The following TESPA1 variants were observed in gnomAD, a reference collection of about 807,000 sequenced individuals.
TESPA1 encodes the protein protein TESPA1.
In TESPA1, 33 loss-of-function variants were observed where a neutral mutation model predicts 57.9. That is an observed-to-expected ratio of 0.57 (90% CI 0.43 to 0.76). The LOEUF is 0.76. Among genes scored for constraint, TESPA1 ranks in the 30% least tolerant of loss-of-function variants. The pLI is 0.00. For synonymous variants in TESPA1, 227 were observed against 228.9 expected, an observed-to-expected ratio of 0.99 and a Z score of 0.07; for missense variants, 618 against 632.9, an observed-to-expected ratio of 0.98 and a Z score of 0.25.
chr12:54,975,939 C>T (rs1323967041), intron 1 of TESPA1, among the ~76,000 whole-genome samples: 1 of 152,156 alleles, frequency 6.6e-6, no homozygotes, highest in Non-Finnish European at 1.5e-5. Context: ...ATCTAACTTC[C>T]TTCACTTCAG....
At position 54,963,769 on chromosome 12, in the gene TESPA1, T is replaced by C; in HGVS notation, c.628A>G (p.Met210Val). The change falls in exon 8 of 11, where the codon ATG (methionine) becomes GTG (valine). Residue 210 changes from methionine (M) to valine (V), a missense_variant. Physicochemically the swap from Met to Val is conservative, Grantham distance 21. Around this residue, in one of 3 missense-constraint regions of TESPA1, gnomAD observed 409 missense variants for 420.1 expected, o/e 0.97. Transcript: ENST00000449076. ...GCCAGCATGAGGCAGGGGTCTTCCA[T>C]TTCAATCCTCCGCACCTGGGACTTC... ...FLKSQVRRIE[M>V]EDPCLMLASR... is the part of the protein sequence containing the mutation. 1 of 1,613,532 alleles carries C rather than the reference T, an allele frequency of 6.2e-7. No individual in the cohort carries two copies. Among genetic ancestry groups the C allele is most frequent in the Non-Finnish European group, 8.5e-7 (1 of 1,179,810 alleles).
At chr12:54,954,636 A>G (rs936408868) in intron 10 of TESPA1, among the ~76,000 whole-genome samples, 2 of 152,210 alleles carry the variant, frequency 1.3e-5, no homozygotes, top group Non-Finnish European at 2.9e-5. Context: ...CACTTTACAC[A>G]GTCCTTCTGG....
At chr12:54,983,824 C>T (rs1952406886) in intron 1 of TESPA1, among the ~76,000 whole-genome samples, 2 of 152,190 alleles carry the variant, frequency 1.3e-5, no homozygotes, top group African/African-American at 4.8e-5. Context: ...TATGCTCTGC[C>T]TGCTACCACT....
At chr12:54,967,290 T>C in intron 4 of TESPA1, 54 bp from the exon 5 acceptor site, 1 of 1,578,266 alleles carries the variant, frequency 6.3e-7, no homozygotes, top group South Asian at 1.1e-5. Flanking sequence ...CATATACACA[T>C]GCACATGCAC....
chr12:54,978,050 G>A (rs548610010), intron 1 of TESPA1, among the ~76,000 whole-genome samples: 2 of 151,814 alleles, frequency 1.3e-5, no homozygotes, highest in South Asian at 2.1e-4. Context: ...TGCAGGAAGC[G>A]GCAAATGATT....
intron 6 of TESPA1, 65 bp downstream of exon 6, chr12:54,966,323 G>T: frequency 1.2e-6 from 2 of 1,608,326 alleles, no homozygotes; most frequent in South Asian, 2.2e-5. Context: ...TAATCTCTTT[G>T]ACCTACCCCA....
At position 54,974,413 on chromosome 12, in the gene TESPA1, G is replaced by A. The variant is rs770953624; in HGVS notation, c.150C>T (p.Asp50=). The A allele has an allele frequency of 6.9e-6, 11 of 1,605,758 alleles. No individual in the cohort carries two copies. Among genetic ancestry groups the A allele is most frequent in the Middle Eastern group, 1.7e-4 (1 of 6,052 alleles). The change falls in exon 2 of 11, where the codon GAC becomes GAT. Residue 50 remains aspartate, a synonymous_variant. Transcript: ENST00000449076. Reference sequence around the variant, plus strand: ...TTCGTCTCTTACCTTCTTGGAAAACGTCATCCAGGCTGGAAGGCTCAGGAT... The same window carrying A: ...TTCGTCTCTTACCTTCTTGGAAAACATCATCCAGGCTGGAAGGCTCAGGAT... ...VPDPEPSSLD[D]VFQEGNPINK... is the part of the protein sequence containing the mutation.
rs188445764 is a variant in TESPA1, at chr12:54,966,078, C to A, written c.421G>T (p.Gly141Trp). Residue 141 changes from glycine to tryptophan, a missense_variant, in exon 7 of 11, where the codon GGG becomes TGG. Physicochemically the swap from Gly to Trp is radical, Grantham distance 184 (BLOSUM62 -2). Around this residue, in one of 3 missense-constraint regions of TESPA1, gnomAD observed 199 missense variants for 184.0 expected, o/e 1.08. Coordinates refer to ENST00000449076, the MANE Select transcript of TESPA1 (RefSeq NM_001136030.3). ...CTTGAACTAGTCTTGTTGGTCCCCC[C>A]AGTCATGCTGCTGGAAGCCAAACTA... ...GCSLASSSMT[G>W]GTNKTSSSIS... 7.6e-6 allele frequency: 12 copies of A among 1,577,216 alleles called. No individual in the cohort carries two copies. The highest frequency in any genetic ancestry group is 4.7e-5 in the East Asian group (2 of 42,938).
intron 2 of TESPA1, chr12:54,974,045 GCA>G: frequency 2.4e-6 from 1 of 414,926 alleles, no homozygotes; most frequent in Non-Finnish European, 3.4e-6. Flanking sequence ...GTTAGTGACA[GCA>G]TTGTGGCCAG....
At chr12:54,954,903 C>T (rs1023839789) in intron 10 of TESPA1, among the ~76,000 whole-genome samples, 1 of 152,334 alleles carries the variant, frequency 6.6e-6, no homozygotes. Context: ...AATAGGAGTG[C>T]TAATATCTCT....
In TESPA1 at chr12:54,950,390, C is replaced by A. The variant is rs1442418059; in HGVS notation, c.*2G>T. On this transcript the variant is annotated splice_region_variant and 3_prime_UTR_variant, in exon 11 of 11. Transcript: ENST00000449076. ...CATGCTGTTGTGGTGGTGGAGAAAG[C>A]CTGCAATGGGAATAAAAAAGATACA... 1 of 453,606 alleles carries A rather than the reference C, an allele frequency of 2.2e-6. No homozygotes were observed. The highest frequency in any genetic ancestry group is 7.0e-5 in the East Asian group (1 of 14,338). 28.1% of individuals were successfully genotyped at this position (453,606 alleles called of 1,614,324 possible). A position where few individuals can be genotyped will look rare whatever the true frequency, so the allele number is the denominator to read the frequency against.
chr12:54,967,905 C>T lies in TESPA1; in HGVS notation c.207-13G>A. On this transcript the variant is annotated splice_polypyrimidine_tract_variant and intron_variant, in intron 3 of 10. Coordinates refer to ENST00000449076, the MANE Select transcript of TESPA1 (RefSeq NM_001136030.3). Reference sequence around the variant, plus strand: ...TTCTTCAGAGTATCTAAACCAAAAACAGTCTTATAGGTTGAAGTCACTTAC... The same window carrying T: ...TTCTTCAGAGTATCTAAACCAAAAATAGTCTTATAGGTTGAAGTCACTTAC... 1 of 1,613,514 alleles carries T rather than the reference C, an allele frequency of 6.2e-7. No individual in the cohort carries two copies.
rs1477932724 is a variant in TESPA1 at position 54,964,895 on chromosome 12, T to C, written c.447-945A>G. Among the ~76,000 whole-genome samples, 3 of 152,304 alleles carry C rather than the reference T, an allele frequency of 2.0e-5. No homozygotes were observed. The East Asian group carries it at 5.8e-4, about 29-fold the overall frequency. On this transcript the variant is annotated intron_variant, in intron 7 of 10. Transcript: ENST00000449076. Reference sequence around the variant, plus strand: ...TGCAGGCTTTAAAAATGCATATATTTGAATCCCATCTTCAGACATTCTGAT... The same window carrying C: ...TGCAGGCTTTAAAAATGCATATATTCGAATCCCATCTTCAGACATTCTGAT...
intron 4 of TESPA1, 121 bp downstream of exon 4, chr12:54,967,722 C>T (rs1301087256): frequency 8.4e-7 from 1 of 1,189,742 alleles, no homozygotes. Context: ...AGTTTAAGAA[C>T]ACTCAGGGAC....
At chr12:54,972,402 T>C (rs1047867623) in intron 3 of TESPA1, among the ~76,000 whole-genome samples, 1 of 152,142 alleles carries the variant, frequency 6.6e-6, no homozygotes, top group African/African-American at 2.4e-5. Context: ...GACTCAAGAG[T>C]AGTTAATGAG....
intron 10 of TESPA1, among the ~76,000 whole-genome samples, chr12:54,953,452 G>T (rs1223196766): frequency 6.6e-6 from 1 of 151,132 alleles, no homozygotes; most frequent in African/African-American, 2.4e-5. Context: ...ACTCTCCTCA[G>T]CCACCTTCTC....
At chr12:54,962,285 C>A in intron 9 of TESPA1, 146 bp downstream of exon 9, 2 of 997,280 alleles carry the variant, frequency 2.0e-6, no homozygotes, top group East Asian at 2.4e-5. Flanking sequence ...TGTATATTAA[C>A]CCTGAATTGA....
intron 8 of TESPA1, among the ~76,000 whole-genome samples, 157 bp downstream of exon 8, chr12:54,963,585 T>C (rs961433630): frequency 6.6e-6 from 1 of 151,976 alleles, no homozygotes; most frequent in African/African-American, 2.4e-5. Context: ...TCAGACAGAG[T>C]TCTCCATCTT....
rs1229031113 is a variant in TESPA1, at chr12:54,982,605, A to G, written c.-46+1980T>C. Among the ~76,000 whole-genome samples the G allele has an allele frequency of 2.6e-5, 4 of 152,238 alleles. No individual in the cohort carries two copies. In the East Asian group the frequency reaches 5.8e-4, roughly 22 times the overall value. The stretch of plus-strand genomic sequence containing the variant: ...AAAAAAAATTAATCGCTTGTTCTCA[A>G]TGTAGGGAGACATCAAATATCTTCA... On this transcript the variant is annotated intron_variant, in intron 1 of 10. Coordinates refer to ENST00000449076, the MANE Select transcript of TESPA1 (RefSeq NM_001136030.3).
Sources: allele counts gnomAD v4.1 joint callset (sites outside exome capture counted in the v4.1 genomes callset), GRCh38; gene constraint gnomAD v4.1.1; regional missense constraint gnomAD v4.1.1; transcripts MANE v1.5; gene names NCBI Gene and HGNC (gene_info 2026-07-23, HGNC 2026-07-21).